PCED1B: variants seen among roughly 807,000 people sequenced by gnomAD.
PCED1B encodes PC-esterase domain-containing protein 1B.
For missense variants in PCED1B, 573 were observed against 573.9 expected (o/e 1.00, Z 0.02); for synonymous variants, 251 against 246.1 (o/e 1.02, Z -0.19).
chr12:47,154,706 C>T (rs1941129815), intron 2 of PCED1B, among the ~76,000 whole-genome samples: 1 of 151,694 alleles, frequency 6.6e-6, no homozygotes, highest in African/African-American at 2.4e-5. Flanking sequence ...CCTTAGAGCT[C>T]TAGTTCTGGG....
chr12:47,198,267 C>T (rs530862689), intron 2 of PCED1B, among the ~76,000 whole-genome samples: 2 of 152,052 alleles, frequency 1.3e-5, no homozygotes, highest in African/African-American at 4.8e-5. Context: ...TGTAATTTAT[C>T]GTATCAATAG....
In PCED1B at chr12:47,233,062, G is replaced by C. The variant is rs916316814; in HGVS notation, c.-57-1945G>C. On this transcript the variant is annotated intron_variant, in intron 3 of 3. Transcript: ENST00000546455. ...AGCCATCCTCCCGCCTCAGTCGTGC[G>C]CCACCATGCCCAGTTAATTTTTGTA... Among the ~76,000 whole-genome samples the C allele has an allele frequency of 7.2e-5, 11 of 151,940 alleles. No homozygotes were observed. The East Asian group carries it at 1.3e-3, about 19-fold the overall frequency.
At chr12:47,206,864 C>T (rs1480981640) in intron 2 of PCED1B, among the ~76,000 whole-genome samples, 1 of 152,158 alleles carries the variant, frequency 6.6e-6, no homozygotes, top group Non-Finnish European at 1.5e-5. Flanking sequence ...ACCTTCCACT[C>T]TGTGCTCTCA....
At chr12:47,152,658 C>T (rs766093991) in intron 2 of PCED1B, among the ~76,000 whole-genome samples, 16 of 152,308 alleles carry the variant, frequency 1.1e-4, no homozygotes, top group South Asian at 2.1e-4. Context: ...GGGCTGGGCA[C>T]GGTGGCTCAG....
At chr12:47,103,059 G>A (rs1938784873) in intron 1 of PCED1B, among the ~76,000 whole-genome samples, 1 of 152,044 alleles carries the variant, frequency 6.6e-6, no homozygotes, top group East Asian at 1.9e-4. Context: ...ACTCGGTGGA[G>A]TATCTAAATA....
At chr12:47,125,765 T>C (rs1382244776) in intron 2 of PCED1B, among the ~76,000 whole-genome samples, 1 of 152,096 alleles carries the variant, frequency 6.6e-6, no homozygotes, top group African/African-American at 2.4e-5. Context: ...TTTGATGCTA[T>C]TATAAAGGGA....
chr12:47,112,951 G>A (rs1939263115), intron 2 of PCED1B, among the ~76,000 whole-genome samples: 1 of 152,152 alleles, frequency 6.6e-6, no homozygotes, highest in African/African-American at 2.4e-5. Flanking sequence ...AAAAGCAAAT[G>A]GAATTTCCTT....
intron 1 of PCED1B, among the ~76,000 whole-genome samples, chr12:47,082,154 T>C (rs540259587): frequency 2.1e-4 from 32 of 152,240 alleles, no homozygotes; most frequent in African/African-American, 7.7e-4. Context: ...CCCTTCTCCT[T>C]CTAACAGATT....
chr12:47,185,532 T>A (rs191390515), intron 2 of PCED1B, among the ~76,000 whole-genome samples: 4,437 of 152,280 alleles, frequency 0.029, 221 homozygotes, highest in African/African-American at 0.1. Context: ...CTCACACCTG[T>A]AATCCCAGCA....
intron 2 of PCED1B, among the ~76,000 whole-genome samples, chr12:47,194,745 G>T (rs769190139): frequency 1.3e-5 from 2 of 152,180 alleles, no homozygotes; most frequent in African/African-American, 4.8e-5. Flanking sequence ...GCTATTTAAA[G>T]AACAGACCTT....
At chr12:47,209,944 T>C (rs564082735) in intron 2 of PCED1B, 13 of 152,286 alleles carry the variant, frequency 8.5e-5, no homozygotes, top group Admixed American at 5.2e-4. Flanking sequence ...GCAGAGGCTA[T>C]AGGAAGAGAA....
chr12:47,125,435 AT>A (rs1290451106), intron 2 of PCED1B, among the ~76,000 whole-genome samples: 16 of 152,118 alleles, frequency 1.1e-4, no homozygotes, highest in Admixed American at 3.9e-4. Flanking sequence ...ATACGTCTTA[AT>A]ATCAGGTGGT....
intron 1 of PCED1B, among the ~76,000 whole-genome samples, chr12:47,084,721 C>G (rs2137143421): frequency 6.6e-6 from 1 of 152,268 alleles, no homozygotes; most frequent in Admixed American, 6.5e-5. Flanking sequence ...TTGTGGGGAC[C>G]AAAGTTCCAC....
chr12:47,201,605 C>CT (rs113846520), intron 2 of PCED1B, among the ~76,000 whole-genome samples: 57 of 146,028 alleles, frequency 3.9e-4, no homozygotes, highest in East Asian at 1.0e-3. Flanking sequence ...ATTTTTTTTT[C>CT]TTTTTTTTTT....
At chr12:47,223,111 A>T (rs1943534070) in intron 3 of PCED1B, among the ~76,000 whole-genome samples, 1 of 152,120 alleles carries the variant, frequency 6.6e-6, no homozygotes, top group Non-Finnish European at 1.5e-5. Context: ...GAAATAAGAA[A>T]AAGAGAGAGA....
chr12:47,171,210 G>A (rs567281736), intron 2 of PCED1B, among the ~76,000 whole-genome samples: 22 of 151,900 alleles, frequency 1.4e-4, no homozygotes, highest in African/African-American at 5.1e-4. Flanking sequence ...TAGGATTACA[G>A]GTATGCACCA....
rs144012190 is a variant in PCED1B at position 47,231,080 on chromosome 12, C to A, written c.-57-3927C>A. On this transcript the variant is annotated intron_variant, in intron 3 of 3. Transcript: ENST00000546455. ...CAAACCCAGGTAGTATGATTCCAAA[C>A]GCAATGCTCTTTGCTAATACTCTGT... Among the ~76,000 whole-genome samples, 1,186 of 152,198 alleles carry A rather than the reference C, an allele frequency of 7.8e-3. 7 individuals carry two copies. The highest frequency in any genetic ancestry group is 0.012 in the Non-Finnish European group (807 of 68,002).
chr12:47,143,375 A>G (rs1410891683), intron 2 of PCED1B, among the ~76,000 whole-genome samples: 1 of 152,210 alleles, frequency 6.6e-6, no homozygotes, highest in East Asian at 1.9e-4. Flanking sequence ...AAGTTACAAG[A>G]AACAAAATTA....
At chr12:47,097,001 A>T (rs1479905628) in intron 1 of PCED1B, among the ~76,000 whole-genome samples, 1 of 152,242 alleles carries the variant, frequency 6.6e-6, no homozygotes, top group Non-Finnish European at 1.5e-5. Context: ...TCAAACACTT[A>T]CTAAATGATA....
Sources: allele counts gnomAD v4.1 joint callset (sites outside exome capture counted in the v4.1 genomes callset), GRCh38; gene constraint gnomAD v4.1.1; transcripts MANE v1.5; gene names NCBI Gene and HGNC (gene_info 2026-07-23, HGNC 2026-07-21).